SAFB2: variants seen among roughly 807,000 people sequenced by gnomAD.
SAFB2 encodes the protein scaffold attachment factor B2.
SAFB2 carries 32 observed loss-of-function variants against 100.6 expected under a neutral mutation model. That is an observed-to-expected ratio of 0.32 (90% CI 0.24 to 0.43). The LOEUF (loss-of-function observed/expected upper bound fraction) is 0.43. SAFB2 is among the 20% of genes least tolerant of loss of function. The pLI, the probability that SAFB2 is intolerant of heterozygous loss-of-function variation, is 1.00. For synonymous variants in SAFB2, 500 were observed against 439.4 expected, an observed-to-expected ratio of 1.14 and a Z score of -1.72; for missense variants, 1,185 against 1,163.4, an observed-to-expected ratio of 1.02 and a Z score of -0.27.
chr19:5,622,311 G>A (rs1035188603), intron 1 of SAFB2, among the ~76,000 whole-genome samples: 2 of 152,186 alleles, frequency 1.3e-5, no homozygotes, highest in South Asian at 2.1e-4. Context: ...CGCGCTTGAG[G>A]AGAAAAGGTG....
intron 1 of SAFB2, 73 bp from the exon 2 acceptor site, chr19:5,621,469 C>A (rs779324634): frequency 5.1e-6 from 5 of 989,210 alleles, no homozygotes; most frequent in Non-Finnish European, 8.1e-6. Context: ...CAAGTAACAA[C>A]CTCCCATGAA....
chr19:5,602,528 A>C (rs1161858403), intron 11 of SAFB2, among the ~76,000 whole-genome samples: 1 of 149,630 alleles, frequency 6.7e-6, no homozygotes, highest in African/African-American at 2.5e-5. Context: ...TCACCCAGTT[A>C]AGAGCCATGG....
Position 5,605,086 on chromosome 19 carries a change from A to T in SAFB2, c.1297-150T>A, listed in dbSNP as rs1041295316. Reference sequence around the variant, plus strand: ...TTAGTTACTGAATTGGTTCTAATTAATCCTGACCTATCCAAATACAATTGC... The same window carrying T: ...TTAGTTACTGAATTGGTTCTAATTATTCCTGACCTATCCAAATACAATTGC... On this transcript the variant is annotated intron_variant, in intron 9 of 20. Transcript: ENST00000252542. 28 of 873,192 alleles carry T rather than the reference A, an allele frequency of 3.2e-5. No individual in the cohort carries two copies. The Middle Eastern group carries it at 2.9e-3, about 90-fold the overall frequency. The allele number at this position is 873,192 out of a possible 1,614,324, so 54.1% of individuals were successfully genotyped here.
intron 9 of SAFB2, among the ~76,000 whole-genome samples, chr19:5,607,464 A>G (rs537106966): frequency 2.6e-5 from 4 of 152,326 alleles, no homozygotes; most frequent in African/African-American, 9.6e-5. Context: ...GCTGAAACCA[A>G]CAGAGCACCC....
chr19:5,595,883 G>C (rs1163123460), intron 13 of SAFB2, among the ~76,000 whole-genome samples: 1 of 152,258 alleles, frequency 6.6e-6, no homozygotes, highest in Non-Finnish European at 1.5e-5. Flanking sequence ...GGGGACAGCA[G>C]TCAGGCCAGC....
At chr19:5,597,587 A>G (rs2052559504) in intron 13 of SAFB2, among the ~76,000 whole-genome samples, 1 of 152,226 alleles carries the variant, frequency 6.6e-6, no homozygotes. Context: ...ACGTGTGTGC[A>G]GAGGAAGCCG....
chr19:5,611,558 A>G lies in SAFB2; in HGVS notation c.707T>C (p.Leu236Pro). ...TGTGTCCTGTGCAAATGGCTGCTCCAGCTCGGAACTTTCTTCTTTTACTGG... is the reference window on the plus strand; with the variant it reads ...TGTGTCCTGTGCAAATGGCTGCTCCGGCTCGGAACTTTCTTCTTTTACTGG... ...SEPVKEESSE[L>P]EQPFAQDTSS... Residue 236 changes from leucine (L) to proline (P), a missense_variant, in exon 7 of 21, where the codon CTG becomes CCG. Leu to Pro is a moderately conservative substitution (Grantham distance 98, BLOSUM62 -3). Around this residue, in one of 3 missense-constraint regions of SAFB2, gnomAD observed 351 missense variants for 341.2 expected, o/e 1.03. Coordinates refer to ENST00000252542, the MANE Select transcript of SAFB2 (RefSeq NM_014649.3). 2 of 486,412 alleles carry G rather than the reference A, an allele frequency of 4.1e-6. No homozygotes were observed. The highest frequency in any genetic ancestry group is 4.9e-4 in the Middle Eastern group (1 of 2,054). 30.1% of individuals were successfully genotyped at this position (486,412 alleles called of 1,614,324 possible).
intron 9 of SAFB2, among the ~76,000 whole-genome samples, chr19:5,608,076 T>C (rs1204176277): frequency 1.3e-5 from 2 of 152,228 alleles, no homozygotes; most frequent in African/African-American, 4.8e-5. Flanking sequence ...CCATCCGCCC[T>C]GGAGGCTCTG....
In SAFB2 at chr19:5,594,025, GCGCTCGCGCTCCAGC is replaced by G. The variant is rs748059833; in HGVS notation, c.2058_2072del (p.Leu687_Arg691del). ...TCCTGCGCTCACGCTCCACGCGCAT[GCGCTCGCGCTCCAGC>G]CGCTCCCGCTCCATGCGCTCCCGCT... On this transcript the variant is annotated inframe_deletion, in exon 15 of 21. Coordinates refer to ENST00000252542, the MANE Select transcript of SAFB2 (RefSeq NM_014649.3). The G allele has an allele frequency of 1.3e-6, 2 of 1,568,048 alleles. No homozygotes were observed. The highest frequency in any genetic ancestry group is 1.3e-5 in the African/African-American group (1 of 74,258).
intron 9 of SAFB2, among the ~76,000 whole-genome samples, chr19:5,605,802 CCT>C (rs2052762417): frequency 6.6e-6 from 1 of 152,226 alleles, no homozygotes; most frequent in Non-Finnish European, 1.5e-5. Flanking sequence ...CTGAGAGCTC[CCT>C]GACTGCCCCT....
rs546594419 is a variant in SAFB2, at chr19:5,622,484, C to T, written c.186+46G>A. ...CCGCGGTGACAGGTGCAGGCGGGGG[C>T]GTGCCCGGGCCTCCTGCGCCACCCC... On this transcript the variant is annotated intron_variant, in intron 1 of 20. Coordinates refer to ENST00000252542, the MANE Select transcript of SAFB2 (RefSeq NM_014649.3). 1.0e-3 allele frequency: 1,549 copies of T among 1,484,050 alleles called. 37 individuals carry two copies. The South Asian group carries it at 0.02, about 19-fold the overall frequency. The allele number at this position is 1,484,050 out of a possible 1,614,324, so 91.9% of individuals were successfully genotyped here. A position where few individuals can be genotyped will look rare whatever the true frequency, so the allele number is the denominator to read the frequency against.
chr19:5,598,984 G>A, intron 12 of SAFB2, 100 bp from the exon 13 acceptor site: 1 of 1,039,856 alleles, frequency 9.6e-7, no homozygotes, highest in Non-Finnish European at 1.5e-6. Flanking sequence ...AACACACAAG[G>A]CGTGAGTCAA....
At chr19:5,591,616 T>C in intron 17 of SAFB2, 132 bp downstream of exon 17, 1 of 777,886 alleles carries the variant, frequency 1.3e-6, no homozygotes, top group Non-Finnish European at 2.1e-6. Context: ...GAACCCACAC[T>C]TGCATACCCG....
At chr19:5,601,573 G>A (rs760251556) in intron 11 of SAFB2, among the ~76,000 whole-genome samples, 15 of 152,230 alleles carry the variant, frequency 9.9e-5, no homozygotes, top group South Asian at 6.2e-4. Flanking sequence ...TTAGCCAGGC[G>A]TGGTGGCGCA....
At position 5,587,853 on chromosome 19, in the gene SAFB2, G is replaced by C; in HGVS notation, c.2638+15C>G. 1 of 1,603,284 alleles carries C rather than the reference G, an allele frequency of 6.2e-7. No homozygotes were observed. The highest frequency in any genetic ancestry group is 1.7e-5 in the Admixed American group (1 of 58,880). On this transcript the variant is annotated intron_variant, in intron 19 of 20. Coordinates refer to ENST00000252542, the MANE Select transcript of SAFB2 (RefSeq NM_014649.3). The surrounding 1 kb of genome is among the most constrained non-coding windows in gnomAD (Gnocchi z 4.9). ...GGGGCCACAGCCACCCTCGTCCCTG[G>C]AGCCAGCCCCGTACCTTGCCACCTG...
chr19:5,618,467 T>G (rs188364402), intron 2 of SAFB2, among the ~76,000 whole-genome samples: 87 of 152,368 alleles, frequency 5.7e-4, no homozygotes, highest in African/African-American at 2.0e-3. Flanking sequence ...GCAGTTTAAT[T>G]GCATGTCTCG....
Position 5,616,504 on chromosome 19 carries a change from G to C in SAFB2, c.275-18C>G. 6.2e-7 allele frequency: 1 copy of C among 1,604,384 alleles called. No individual in the cohort carries two copies. The highest frequency in any genetic ancestry group is 8.5e-7 in the Non-Finnish European group (1 of 1,171,740). On this transcript the variant is annotated intron_variant, in intron 2 of 20. Transcript: ENST00000252542. ...CTTCAGTCCTAATTACAGAATAATT[G>C]TTCAATCAGATAACACTCAAGTTCT...
At chr19:5,617,315 C>T (rs1193619141) in intron 2 of SAFB2, among the ~76,000 whole-genome samples, 1 of 151,678 alleles carries the variant, frequency 6.6e-6, no homozygotes, top group East Asian at 1.9e-4. Context: ...GCCATAAAGT[C>T]GAGAATCATC....
At chr19:5,593,771 C>G in intron 15 of SAFB2, 120 bp downstream of exon 15, 1 of 1,117,200 alleles carries the variant, frequency 9.0e-7, no homozygotes, top group African/African-American at 1.7e-5. Flanking sequence ...GGCGCATGCT[C>G]CATATCAAAT....
Sources: gnomAD v4.1 joint callset for allele counts (sites outside exome capture counted in the v4.1 genomes callset) on GRCh38, gnomAD v4.1.1 for gene constraint, gnomAD v4.1.1 regional missense constraint, Gnocchi (gnomAD v3.1) non-coding constraint, MANE v1.5 for transcripts, NCBI Gene and HGNC (gene_info 2026-07-23, HGNC 2026-07-21) for gene names.